The following SLC44A5 variants were observed in gnomAD, a reference collection of about 807,000 sequenced individuals.
The protein encoded by SLC44A5 is solute carrier family 44 member 5.
In SLC44A5, 57 loss-of-function variants were observed where a neutral mutation model predicts 101.8. The ratio of observed to expected loss-of-function variants is 0.56; its 90% CI spans 0.45 to 0.70. The LOEUF is 0.70. Ranked by LOEUF, SLC44A5 falls within the 30% of genes least tolerant of loss-of-function variation. The pLI is 0.00. For missense variants in SLC44A5, 737 were observed against 853.1 expected (o/e 0.86, Z 1.70); for synonymous variants, 281 against 290.9 (o/e 0.97, Z 0.35).
intron 12 of SLC44A5, among the ~76,000 whole-genome samples, chr1:75,228,878 T>C (rs1181478966): frequency 4.0e-5 from 6 of 151,712 alleles, no homozygotes; most frequent in Admixed American, 2.0e-4. Context: ...ATAAATTAGT[T>C]AGCATGTAGG....
At chr1:75,708,059 A>G in the SLC44A5 span, among the ~76,000 whole-genome samples, 36,635 of 152,026 alleles carry the variant, frequency 0.24, 4,735 homozygotes, top group Non-Finnish European at 0.3. Context: ...TTATTTGACA[A>G]GGCTAGTGGG....
chr1:75,345,048 CTT>C (rs1185022978), intron 3 of SLC44A5, among the ~76,000 whole-genome samples: 1 of 151,962 alleles, frequency 6.6e-6, no homozygotes, highest in African/African-American at 2.4e-5. Context: ...ATTTTGATAT[CTT>C]ATATATTTAA....
At chr1:75,497,793 A>G (rs938327315) in intron 2 of SLC44A5, among the ~76,000 whole-genome samples, 3 of 152,174 alleles carry the variant, frequency 2.0e-5, no homozygotes, top group South Asian at 2.1e-4. Context: ...GTTTAATTCC[A>G]TAAGAAAAAT....
At chr1:75,711,311 A>G in the SLC44A5 span, among the ~76,000 whole-genome samples, 1 of 152,192 alleles carries the variant, frequency 6.6e-6, no homozygotes, top group Admixed American at 6.6e-5. Flanking sequence ...AGATATAAAG[A>G]CAACAGCCAG....
chr1:75,207,874 C>A, intron 23 of SLC44A5, among the ~76,000 whole-genome samples: 1 of 152,056 alleles, frequency 6.6e-6, no homozygotes, highest in Non-Finnish European at 1.5e-5. Flanking sequence ...TCTATCCCAC[C>A]CTGGCAGGGA....
intron 2 of SLC44A5, among the ~76,000 whole-genome samples, chr1:75,418,141 CT>C (rs1248661079): frequency 6.6e-6 from 1 of 152,166 alleles, no homozygotes; most frequent in Non-Finnish European, 1.5e-5. Context: ...ATTCTTGTTG[CT>C]TGCGTTCTGT....
chr1:75,427,785 TACCTA>T (rs1664396712), intron 2 of SLC44A5, among the ~76,000 whole-genome samples: 1 of 152,222 alleles, frequency 6.6e-6, no homozygotes, highest in Non-Finnish European at 1.5e-5. Flanking sequence ...ATTAAGACAG[TACCTA>T]ACCCTTATTA....
chr1:75,642,707 A>G, the SLC44A5 span, among the ~76,000 whole-genome samples: 1 of 152,084 alleles, frequency 6.6e-6, no homozygotes, highest in Admixed American at 6.6e-5. Context: ...TATGAGGAGG[A>G]GGAGGAGGAG....
chr1:75,414,315 ATAT>A (rs1557760784), intron 2 of SLC44A5, among the ~76,000 whole-genome samples: 26 of 131,862 alleles, frequency 2.0e-4, no homozygotes, highest in African/African-American at 8.0e-4. Flanking sequence ...ACATACATAC[ATAT>A]CCACATACAC....
At chr1:75,226,638 C>A (rs1347238157) in intron 13 of SLC44A5, among the ~76,000 whole-genome samples, 1 of 152,056 alleles carries the variant, frequency 6.6e-6, no homozygotes, top group Admixed American at 6.6e-5. Flanking sequence ...CAAGATATTG[C>A]TCCCTTCTGA....
chr1:75,609,043 A>T (rs1557959630), intron 1 of SLC44A5, among the ~76,000 whole-genome samples: 1 of 151,924 alleles, frequency 6.6e-6, no homozygotes, highest in African/African-American at 2.4e-5. Context: ...TGCTTAGAAT[A>T]GTGCCCAGTA....
chr1:75,613,453 G>A (rs960562459), upstream of SLC44A5, among the ~76,000 whole-genome samples: 1 of 152,162 alleles, frequency 6.6e-6, no homozygotes, highest in African/African-American at 2.4e-5. Flanking sequence ...TTCTGGGTTT[G>A]CTTCTGTCAT....
intron 2 of SLC44A5, among the ~76,000 whole-genome samples, chr1:75,406,512 A>C (rs185938930): frequency 2.6e-5 from 4 of 152,176 alleles, no homozygotes; most frequent in African/African-American, 9.6e-5. Flanking sequence ...GCTTATCCAC[A>C]ACAATCAAGT....
At chr1:75,250,603 CAT>C (rs1340245091) in intron 7 of SLC44A5, among the ~76,000 whole-genome samples, 19 of 152,238 alleles carry the variant, frequency 1.2e-4, no homozygotes, top group Admixed American at 3.3e-4. Flanking sequence ...GTGTCTGTGG[CAT>C]ATGAGTGGAA....
At chr1:75,362,621 C>G (rs921247010) in intron 3 of SLC44A5, among the ~76,000 whole-genome samples, 1 of 151,854 alleles carries the variant, frequency 6.6e-6, no homozygotes, top group African/African-American at 2.4e-5. Context: ...GAAATTCATT[C>G]TTTTATGATT....
At chr1:75,476,552 A>G (rs1202557082) in intron 2 of SLC44A5, among the ~76,000 whole-genome samples, 2 of 152,236 alleles carry the variant, frequency 1.3e-5, no homozygotes, top group Non-Finnish European at 2.9e-5. Flanking sequence ...CCACCTGAAT[A>G]CTGCGCTTTT....
At position 75,214,694 on chromosome 1, in the gene SLC44A5, G is replaced by A. The variant is rs1246053159; in HGVS notation, c.1729-16C>T. 2 of 1,605,548 alleles carry A rather than the reference G, an allele frequency of 1.2e-6. No individual in the cohort carries two copies. The highest frequency in any genetic ancestry group is 1.7e-6 in the Non-Finnish European group (2 of 1,174,642). ...ATATTGCAATCTGAGGAAGACAGTG[G>A]CTATTATTCTGGAGCCAGTAACATA... is the stretch of plus-strand genomic sequence containing the variant. On this transcript the variant is annotated splice_polypyrimidine_tract_variant and intron_variant, in intron 19 of 23. Coordinates refer to ENST00000370859, the MANE Select transcript of SLC44A5 (RefSeq NM_001130058.2).
At chr1:75,281,108 A>G (rs1424885441) in intron 5 of SLC44A5, among the ~76,000 whole-genome samples, 2 of 152,172 alleles carry the variant, frequency 1.3e-5, no homozygotes, top group Non-Finnish European at 2.9e-5. Context: ...TGGAGGGCTC[A>G]GAAGACAGGT....
intron 3 of SLC44A5, among the ~76,000 whole-genome samples, chr1:75,340,523 A>G (rs1657798720): frequency 6.6e-6 from 1 of 152,246 alleles, no homozygotes; most frequent in Non-Finnish European, 1.5e-5. Flanking sequence ...TCTCTAGCAC[A>G]CTGTCTGCTT....
Sources: allele counts gnomAD v4.1 joint callset (sites outside exome capture counted in the v4.1 genomes callset), GRCh38; gene constraint gnomAD v4.1.1; transcripts MANE v1.5; gene names NCBI Gene and HGNC (gene_info 2026-07-23, HGNC 2026-07-21).